DEPDC5: variants seen among roughly 807,000 people sequenced by gnomAD.
The protein encoded by DEPDC5 is GATOR1 complex protein DEPDC5.
Under a neutral mutation model 217.3 loss-of-function variants are expected in DEPDC5, and 73 were observed. That is an observed-to-expected ratio of 0.34 (90% CI 0.28 to 0.41). The LOEUF (loss-of-function observed/expected upper bound fraction) is 0.41, where lower values mean the gene tolerates loss of function less well. Ranked by LOEUF, DEPDC5 falls within the 10% of genes least tolerant of loss-of-function variation. DEPDC5 has a pLI of 1.00. For synonymous variants in DEPDC5, 733 were observed against 756.7 expected (o/e 0.97, Z 0.51); for missense variants, 1,675 against 2,070.1 (o/e 0.81, Z 3.70).
chr22:31,781,372 A>G (rs968322809), intron 8 of DEPDC5, among the ~76,000 whole-genome samples: 4 of 152,142 alleles, frequency 2.6e-5, no homozygotes, highest in Admixed American at 1.3e-4. Context: ...CCTTTTCAGT[A>G]TCTGGGATTA....
chr22:31,896,486 C>G (rs1051689733), intron 39 of DEPDC5, among the ~76,000 whole-genome samples: 1 of 151,104 alleles, frequency 6.6e-6, no homozygotes, highest in African/African-American at 2.4e-5. Context: ...ATACTTGACA[C>G]AAAAATCATC....
At chr22:31,857,395 C>T (rs751841346) in intron 31 of DEPDC5, 50 bp from the exon 32 acceptor site, 39 of 1,496,606 alleles carry the variant, frequency 2.6e-5, no homozygotes, top group Non-Finnish European at 3.4e-5. Flanking sequence ...ATGGATCCTT[C>T]ACCAGGGAGC....
chr22:31,877,234 G>A (rs925627768), intron 37 of DEPDC5, among the ~76,000 whole-genome samples: 7 of 151,118 alleles, frequency 4.6e-5, no homozygotes, highest in Non-Finnish European at 1.0e-4. Flanking sequence ...TCAGGAGTTC[G>A]AGACCAGCCT....
chr22:31,785,279 A>C (rs1297960393), intron 10 of DEPDC5, among the ~76,000 whole-genome samples: 1 of 152,088 alleles, frequency 6.6e-6, no homozygotes. Flanking sequence ...CAAACTCCAC[A>C]AAGTAAGTAT....
rs2149117083 is a variant in DEPDC5 at position 31,857,457 on chromosome 22, ACAG to A, written c.3172_3174del (p.Gln1058del). The A allele has an allele frequency of 6.2e-7, 1 of 1,607,700 alleles. No individual in the cohort carries two copies. The highest frequency in any genetic ancestry group is 8.5e-7 in the Non-Finnish European group (1 of 1,177,226). On this transcript the variant is annotated inframe_deletion, in exon 32 of 43. Coordinates refer to ENST00000651528, the MANE Select transcript of DEPDC5 (RefSeq NM_001242896.3). Reference sequence around the variant, plus strand: ...TTCCTCCTTTCAGGTGCCTGGGAGAACAGCAGGCAGCTGTGCATGGTGGGAAGA... The same window carrying A: ...TTCCTCCTTTCAGGTGCCTGGGAGAACAGGCAGCTGTGCATGGTGGGAAGA...
chr22:31,849,790 A>T (rs1035691261), intron 31 of DEPDC5, among the ~76,000 whole-genome samples: 2 of 151,948 alleles, frequency 1.3e-5, no homozygotes, highest in Non-Finnish European at 2.9e-5. Context: ...AAAAAAAAAA[A>T]ATAAGTAAAT....
intron 6 of DEPDC5, among the ~76,000 whole-genome samples, chr22:31,767,582 A>G (rs936591015): frequency 6.6e-5 from 10 of 151,898 alleles, no homozygotes; most frequent in Admixed American, 1.3e-4. Context: ...GGCGTGAGCC[A>G]CCGCTCCCAG....
At chr22:31,830,047 C>A (rs2090469011) in intron 24 of DEPDC5, among the ~76,000 whole-genome samples, 1 of 152,234 alleles carries the variant, frequency 6.6e-6, no homozygotes, top group East Asian at 1.9e-4. Flanking sequence ...AAAAGTAACT[C>A]ATAGCATACT....
intron 27 of DEPDC5, among the ~76,000 whole-genome samples, chr22:31,840,153 G>T (rs1289014048): frequency 6.6e-6 from 1 of 152,098 alleles, no homozygotes; most frequent in African/African-American, 2.4e-5. Flanking sequence ...AAGTCATGGG[G>T]CTGTCAGAAC....
At chr22:31,764,518 C>A (rs372920740) in intron 4 of DEPDC5, among the ~76,000 whole-genome samples, 3 of 152,066 alleles carry the variant, frequency 2.0e-5, no homozygotes, top group African/African-American at 4.8e-5. Flanking sequence ...GGGGTTCAAG[C>A]GATTTGTATG....
intron 32 of DEPDC5, chr22:31,857,763 A>C: frequency 2.2e-6 from 1 of 449,258 alleles, no homozygotes; most frequent in Non-Finnish European, 3.9e-6. Context: ...TTCTAGTTAA[A>C]TCCGGATATA....
rs2091049227 is a variant in DEPDC5 at position 31,836,953 on chromosome 22, C to T, written c.2171-19C>T. 1 of 1,610,988 alleles carries T rather than the reference C, an allele frequency of 6.2e-7. No homozygotes were observed. The highest frequency in any genetic ancestry group is 2.2e-5 in the East Asian group (1 of 44,686). ...CCATGGTGACCACATGTACCTTTTC[C>T]CCCTGTTACGTGAGGCAGTTCTGAC... On this transcript the variant is annotated intron_variant, in intron 25 of 42. Transcript: ENST00000651528.
intron 21 of DEPDC5, chr22:31,816,026 G>A: frequency 2.0e-6 from 2 of 985,518 alleles, no homozygotes; most frequent in South Asian, 4.7e-5. Flanking sequence ...CCGGTCGGGC[G>A]CAGTGGCTCA....
intron 15 of DEPDC5, 61 bp downstream of exon 15, chr22:31,802,899 C>A: frequency 6.7e-7 from 1 of 1,485,838 alleles, no homozygotes; most frequent in Middle Eastern, 1.8e-4. Flanking sequence ...CCCCTTAGAA[C>A]TGTGAGCTTC....
At chr22:31,901,718 T>A (rs555108205) in intron 40 of DEPDC5, 24 bp from the exon 41 acceptor site, 2 of 1,599,092 alleles carry the variant, frequency 1.3e-6, no homozygotes, top group African/African-American at 1.3e-5. Flanking sequence ...CACAACCCAA[T>A]ATTTATTCTT....
Position 31,838,675 on chromosome 22 carries a change from T to C in DEPDC5, c.2355-10T>C. 6.2e-7 allele frequency: 1 copy of C among 1,613,530 alleles called. No homozygotes were observed. The highest frequency in any genetic ancestry group is 2.2e-5 in the East Asian group (1 of 44,882). On this transcript the variant is annotated splice_polypyrimidine_tract_variant and intron_variant, in intron 26 of 42. Transcript: ENST00000651528. ...AAGCATCTGTATGAGCAATCATCTGTTGTTTTCAGGAGGGACGAAGATGGT... is the reference window on the plus strand; with the variant it reads ...AAGCATCTGTATGAGCAATCATCTGCTGTTTTCAGGAGGGACGAAGATGGT...
intron 25 of DEPDC5, among the ~76,000 whole-genome samples, chr22:31,834,915 A>T (rs2090884544): frequency 6.6e-6 from 1 of 152,190 alleles, no homozygotes; most frequent in Admixed American, 6.5e-5. Flanking sequence ...ATATTACTGT[A>T]TCTTGGTTTG....
chr22:31,832,829 G>A (rs1172133352), intron 24 of DEPDC5, among the ~76,000 whole-genome samples: 2 of 152,106 alleles, frequency 1.3e-5, no homozygotes, highest in Non-Finnish European at 2.9e-5. Context: ...TCCTTTGCCA[G>A]GTGCATGATT....
At chr22:31,872,999 C>T (rs2092891312) in intron 34 of DEPDC5, among the ~76,000 whole-genome samples, 1 of 152,106 alleles carries the variant, frequency 6.6e-6, no homozygotes, top group Non-Finnish European at 1.5e-5. Flanking sequence ...AAATAATCCA[C>T]GTGCCTCAGC....
Sources: gnomAD v4.1 joint callset for allele counts (sites outside exome capture counted in the v4.1 genomes callset) on GRCh38, gnomAD v4.1.1 for gene constraint, MANE v1.5 for transcripts, NCBI Gene and HGNC (gene_info 2026-07-23, HGNC 2026-07-21) for gene names.